Variants in DCDC1 observed in about 807,000 individuals in gnomAD.
The protein encoded by DCDC1 is doublecortin domain containing 1, also known as doublecortin domain-containing protein 1.
A neutral mutation model predicts 178.3 loss-of-function variants in DCDC1; 200 were observed. The observed-to-expected ratio is 1.12, with a 90% confidence interval of 1.00 to 1.26. The LOEUF (loss-of-function observed/expected upper bound fraction) is 1.26. Ranked by LOEUF, DCDC1 falls within the 50% of genes most tolerant of loss-of-function variation. The pLI, the probability that DCDC1 is intolerant of heterozygous loss-of-function variation, is 0.00. For synonymous variants in DCDC1, 690 were observed against 604.8 expected (o/e 1.14, Z -2.07); for missense variants, 1,983 against 1,749.2 (o/e 1.13, Z -2.38).
chr11:31,290,027 C>T (rs570727071), intron 7 of DCDC1, among the ~76,000 whole-genome samples: 4 of 152,056 alleles, frequency 2.6e-5, no homozygotes, highest in East Asian at 3.9e-4. Flanking sequence ...ATTAGCTCCT[C>T]GGTATTTTTT....
intron 6 of DCDC1, among the ~76,000 whole-genome samples, chr11:31,296,136 G>A (rs952202409): frequency 9.2e-5 from 14 of 152,150 alleles, no homozygotes; most frequent in African/African-American, 3.4e-4. Flanking sequence ...GGTCTGTCAG[G>A]CAGTCAACAA....
chr11:31,110,426 C>T, intron 11 of DCDC1, 65 bp from the exon 12 acceptor site: 2 of 631,720 alleles, frequency 3.2e-6, no homozygotes, highest in African/African-American at 1.8e-5. Flanking sequence ...TATATTCATA[C>T]ATACTTAGAT....
At chr11:31,340,741 G>A (rs1223987077) in intron 1 of DCDC1, among the ~76,000 whole-genome samples, 4 of 152,108 alleles carry the variant, frequency 2.6e-5, no homozygotes, top group Admixed American at 6.5e-5. Flanking sequence ...GACTTGAATT[G>A]CACCCCTTCT....
intron 2 of DCDC1, among the ~76,000 whole-genome samples, chr11:31,335,188 G>A (rs114889947): frequency 0.01 from 1,591 of 152,288 alleles, 34 homozygotes; most frequent in African/African-American, 0.037. Context: ...AAGGCTCCGT[G>A]GGCATGGGAC....
At chr11:31,006,437 C>G (rs1211812375) in intron 20 of DCDC1, among the ~76,000 whole-genome samples, 1 of 152,178 alleles carries the variant, frequency 6.6e-6, no homozygotes, top group African/African-American at 2.4e-5. Flanking sequence ...ATCCCCAGGA[C>G]TGTTCTCTCA....
chr11:31,357,431 C>T (rs1179603507), intron 1 of DCDC1, among the ~76,000 whole-genome samples: 3 of 150,526 alleles, frequency 2.0e-5, no homozygotes, highest in Non-Finnish European at 4.4e-5. Context: ...ATTGATGGGA[C>T]GTATCTCAAA....
chr11:31,227,825 T>G (rs556759161), intron 9 of DCDC1, among the ~76,000 whole-genome samples: 2 of 152,016 alleles, frequency 1.3e-5, no homozygotes, highest in Non-Finnish European at 2.9e-5. Context: ...TATTTTATAA[T>G]AACATTTGTG....
intron 20 of DCDC1, among the ~76,000 whole-genome samples, chr11:30,986,336 C>CT (rs1165693386): frequency 0.015 from 2,041 of 139,932 alleles, 23 homozygotes; most frequent in Middle Eastern, 0.025. Flanking sequence ...TTCTCTCTCT[C>CT]TTTTTTTTTT....
intron 36 of DCDC1, chr11:30,883,079 G>A (rs944706487): frequency 6.6e-6 from 1 of 152,570 alleles, no homozygotes; most frequent in African/African-American, 2.4e-5. Context: ...ATCTAATTTT[G>A]TTCTGTGGAA....
At chr11:30,943,103 T>A (rs1947772816) in intron 21 of DCDC1, 1 of 152,132 alleles carries the variant, frequency 6.6e-6, no homozygotes, top group Non-Finnish European at 1.5e-5. Flanking sequence ...TTATTGGTTT[T>A]CTCTGTGTTC....
rs117323903 is a variant in DCDC1 at position 30,895,720 on chromosome 11, A to G, written c.4766-1336T>C. 7.6e-3 allele frequency among the ~76,000 whole-genome samples: 1,164 copies of G among 152,320 alleles called. 9 individuals carry two copies. Among genetic ancestry groups the G allele is most frequent in the Middle Eastern group, 0.017 (5 of 294 alleles). The stretch of plus-strand genomic sequence containing the variant: ...AAAACATAATTGAATCAATCAGTCA[A>G]TGAGTTACAGTGACAATGCCATTAA... On this transcript the variant is annotated intron_variant, in intron 34 of 38. Transcript: ENST00000684477.
intron 11 of DCDC1, among the ~76,000 whole-genome samples, chr11:31,119,683 T>C (rs1426062129): frequency 6.6e-6 from 1 of 152,210 alleles, no homozygotes; most frequent in Non-Finnish European, 1.5e-5. Context: ...TTTAAACTTT[T>C]TTAAAAATGA....
chr11:31,131,009 C>T (rs1333856078), intron 10 of DCDC1, among the ~76,000 whole-genome samples: 5 of 58,652 alleles, frequency 8.5e-5, no homozygotes, highest in African/African-American at 1.1e-4. Context: ...GGTGAAACCC[C>T]GTCTCTACTA....
Position 30,900,266 on chromosome 11 carries a change from A to G in DCDC1, c.4663+80T>C, listed in dbSNP as rs139526404. 1,365 of 1,257,018 alleles carry G rather than the reference A, an allele frequency of 1.1e-3. 2 individuals are homozygous for G. Among genetic ancestry groups the G allele is most frequent in the Middle Eastern group, 2.0e-3 (10 of 5,070 alleles). 77.9% of individuals were successfully genotyped at this position (1,257,018 alleles called of 1,614,324 possible). On this transcript the variant is annotated intron_variant, in intron 33 of 38. Coordinates refer to ENST00000684477, the MANE Select transcript of DCDC1 (RefSeq NM_001387274.1). ...TGTTGATATTATACACATTTAATTC[A>G]TTTTCTTATGATGGCATAAAATGTA...
chr11:31,078,315 T>C (rs1027809759), intron 17 of DCDC1, among the ~76,000 whole-genome samples: 1 of 152,130 alleles, frequency 6.6e-6, no homozygotes, highest in Admixed American at 6.5e-5. Context: ...AAAGATACCA[T>C]GGAAAATTAG....
At chr11:31,160,286 TCA>T (rs1377647161) in intron 9 of DCDC1, among the ~76,000 whole-genome samples, 3 of 152,204 alleles carry the variant, frequency 2.0e-5, no homozygotes, top group Non-Finnish European at 4.4e-5. Flanking sequence ...ATGATACTCA[TCA>T]CACATTCGGA....
At chr11:31,103,602 T>A (rs1958643556) in intron 14 of DCDC1, 42 bp downstream of exon 14, 1 of 714,040 alleles carries the variant, frequency 1.4e-6, no homozygotes, top group Admixed American at 2.1e-5. Context: ...GTGATTTGGA[T>A]TACTTTAACC....
rs775462661 is a variant in DCDC1, at chr11:30,900,367, C to T, written c.4642G>A (p.Glu1548Lys). The T allele has an allele frequency of 1.9e-6, 3 of 1,541,278 alleles. No individual in the cohort carries two copies. Among genetic ancestry groups the T allele is most frequent in the Admixed American group, 3.9e-5 (2 of 51,112 alleles). Residue 1548 changes from glutamate (E) to lysine (K), a missense_variant, in exon 33 of 39, where the codon GAA becomes AAA. Glu to Lys is a moderately conservative substitution (Grantham distance 56). Coordinates refer to ENST00000684477, the MANE Select transcript of DCDC1 (RefSeq NM_001387274.1). Reference protein sequence around the residue: ...NPIAIWVSCGEPFLPPNALQK... With the variant: ...NPIAIWVSCGKPFLPPNALQK... ...TTACCATTTGGAGGTAGAAATGGTTCACCACAAGACACCCAGATGGCAATA... is the reference window on the plus strand; with the variant it reads ...TTACCATTTGGAGGTAGAAATGGTTTACCACAAGACACCCAGATGGCAATA...
intron 17 of DCDC1, among the ~76,000 whole-genome samples, chr11:31,085,757 A>C (rs1366140452): frequency 2.0e-5 from 3 of 151,906 alleles, no homozygotes; most frequent in African/African-American, 7.3e-5. Flanking sequence ...ACTCAGGGAG[A>C]AGTGCAGTGG....
Sources: allele counts gnomAD v4.1 joint callset (sites outside exome capture counted in the v4.1 genomes callset), GRCh38; gene constraint gnomAD v4.1.1; transcripts MANE v1.5; gene names NCBI Gene and HGNC (gene_info 2026-07-23, HGNC 2026-07-21).